Variants in PAX5 observed in about 807,000 individuals in gnomAD.
PAX5 encodes the protein paired box 5, also known as paired box protein Pax-5.
A neutral mutation model predicts 43.7 loss-of-function variants in PAX5; 9 were observed. The ratio of observed to expected loss-of-function variants is 0.21; its 90% CI spans 0.12 to 0.36. PAX5 has a LOEUF of 0.36. Among genes scored for constraint, PAX5 ranks in the 10% least tolerant of loss-of-function variants. The pLI is 1.00. For missense variants in PAX5, 383 were observed against 532.7 expected (o/e 0.72, Z 2.77); for synonymous variants, 228 against 214.3 (o/e 1.06, Z -0.56).
intron 7 of PAX5, chr9:36,893,395 C>A (rs960138357): frequency 3.3e-5 from 5 of 152,272 alleles, no homozygotes; most frequent in African/African-American, 1.2e-4. Context: ...CCTGCCCTAC[C>A]GATCTGAAAT....
intron 5 of PAX5, among the ~76,000 whole-genome samples, chr9:36,978,635 C>T (rs996889666): frequency 1.4e-4 from 21 of 152,020 alleles, no homozygotes; most frequent in African/African-American, 4.8e-4. Flanking sequence ...AAAGAAGGTT[C>T]GTATTTGAAG....
At chr9:36,960,465 G>C (rs923470693) in intron 6 of PAX5, among the ~76,000 whole-genome samples, 1 of 152,184 alleles carries the variant, frequency 6.6e-6, no homozygotes, top group Non-Finnish European at 1.5e-5. Flanking sequence ...GGGACATGGG[G>C]ACGGTGAAGG....
intron 8 of PAX5, among the ~76,000 whole-genome samples, chr9:36,869,833 T>G (rs1825255809): frequency 6.9e-6 from 1 of 145,780 alleles, no homozygotes; most frequent in East Asian, 2.0e-4. Context: ...GATGAATAGA[T>G]GGATGGATGG....
chr9:36,964,829 C>A (rs915579038), intron 6 of PAX5, among the ~76,000 whole-genome samples: 4 of 152,098 alleles, frequency 2.6e-5, no homozygotes, highest in Non-Finnish European at 5.9e-5. Flanking sequence ...CGGCTATGCC[C>A]AGCACCATAA....
At chr9:36,944,710 G>T (rs1832350371) in intron 6 of PAX5, among the ~76,000 whole-genome samples, 1 of 152,188 alleles carries the variant, frequency 6.6e-6, no homozygotes, top group Non-Finnish European at 1.5e-5. Context: ...TCCAGGGGTG[G>T]TTTTCAAACG....
Position 37,034,105 on chromosome 9 carries a change from T to A in PAX5, c.-74A>T. On this transcript the variant is annotated 5_prime_UTR_variant, in exon 1 of 10. Transcript: ENST00000358127. ...TTTTGTGCCTTTTTTTTTCTTTTTT[T>A]TTTTTTTTTTTTTTTTTTTTTGGTG... The A allele has an allele frequency of 1.4e-6, 1 of 726,242 alleles. No individual in the cohort carries two copies. Among genetic ancestry groups the A allele is most frequent in the Non-Finnish European group, 2.2e-6 (1 of 462,996 alleles). 45.0% of individuals were successfully genotyped at this position (726,242 alleles called of 1,614,324 possible).
chr9:36,868,979 C>T (rs141253248), intron 8 of PAX5, among the ~76,000 whole-genome samples: 18 of 152,302 alleles, frequency 1.2e-4, no homozygotes, highest in Non-Finnish European at 2.5e-4. Flanking sequence ...AATGAGCTTA[C>T]GGGCATGGGT....
chr9:36,941,493 G>C (rs1832041901), intron 6 of PAX5, among the ~76,000 whole-genome samples: 1 of 152,142 alleles, frequency 6.6e-6, no homozygotes, highest in African/African-American at 2.4e-5. Flanking sequence ...TGAATCTCCT[G>C]TCCTGGCTCC....
At chr9:36,914,521 C>T (rs1213606044) in intron 7 of PAX5, among the ~76,000 whole-genome samples, 2 of 152,198 alleles carry the variant, frequency 1.3e-5, no homozygotes, top group Admixed American at 1.3e-4. Context: ...ACATACAGAG[C>T]ATATACATAT....
chr9:36,874,315 C>T (rs544417564), intron 8 of PAX5, among the ~76,000 whole-genome samples: 72 of 152,320 alleles, frequency 4.7e-4, no homozygotes, highest in Admixed American at 4.2e-3. Flanking sequence ...TCTGGACTGG[C>T]CCTCGCCCCA....
chr9:36,938,604 T>C (rs928109805), intron 6 of PAX5, among the ~76,000 whole-genome samples: 10 of 152,214 alleles, frequency 6.6e-5, no homozygotes, highest in Non-Finnish European at 1.5e-4. Flanking sequence ...AGCCTCTCTC[T>C]GCCCAATTGC....
chr9:37,006,198 C>G (rs978866435), intron 4 of PAX5, among the ~76,000 whole-genome samples: 1 of 118,096 alleles, frequency 8.5e-6, no homozygotes, highest in East Asian at 2.4e-4. Context: ...ATTCTATAGA[C>G]CCCCATTAGT....
intron 8 of PAX5, among the ~76,000 whole-genome samples, chr9:36,878,309 G>A (rs1381742247): frequency 5.9e-5 from 9 of 152,186 alleles, no homozygotes; most frequent in African/African-American, 2.2e-4. Flanking sequence ...TACGTGTTAG[G>A]GGCCATGAAG....
intron 7 of PAX5, among the ~76,000 whole-genome samples, chr9:36,891,515 C>T (rs1827378632): frequency 6.6e-6 from 1 of 152,168 alleles, no homozygotes. Flanking sequence ...CCAGACCTGC[C>T]ACTAGTGGAG....
chr9:36,888,487 G>T (rs553085444), intron 7 of PAX5, among the ~76,000 whole-genome samples: 1 of 152,300 alleles, frequency 6.6e-6, no homozygotes, highest in East Asian at 1.9e-4. Flanking sequence ...TAATGAACTT[G>T]AAATGACTAT....
intron 6 of PAX5, among the ~76,000 whole-genome samples, chr9:36,935,409 T>C (rs922254316): frequency 2.6e-5 from 4 of 151,984 alleles, no homozygotes; most frequent in Middle Eastern, 3.4e-3. Flanking sequence ...AAAAAAATGA[T>C]TTGCAGCAGA....
At chr9:37,000,008 T>G (rs1392093270) in intron 5 of PAX5, among the ~76,000 whole-genome samples, 2 of 152,084 alleles carry the variant, frequency 1.3e-5, no homozygotes, top group Admixed American at 1.3e-4. Context: ...AACTGAGGCC[T>G]CAGGAGCACT....
chr9:37,016,289 G>C (rs777132552), intron 2 of PAX5, among the ~76,000 whole-genome samples: 1 of 152,192 alleles, frequency 6.6e-6, no homozygotes, highest in African/African-American at 2.4e-5. Context: ...TTATTTTTCT[G>C]TAAGAGAAAA....
At chr9:36,895,170 CG>C (rs1827742051) in intron 7 of PAX5, among the ~76,000 whole-genome samples, 1 of 152,204 alleles carries the variant, frequency 6.6e-6, no homozygotes, top group African/African-American at 2.4e-5. Flanking sequence ...GGTCTAAATG[CG>C]GAAGACGAGA....
Sources: gnomAD v4.1 joint callset for allele counts (sites outside exome capture counted in the v4.1 genomes callset) on GRCh38, gnomAD v4.1.1 for gene constraint, MANE v1.5 for transcripts, NCBI Gene and HGNC (gene_info 2026-07-23, HGNC 2026-07-21) for gene names.